The following ZSCAN5A variants were observed in gnomAD, a reference collection of about 807,000 sequenced individuals.
ZSCAN5A encodes zinc finger and SCAN domain-containing protein 5A.
A neutral mutation model predicts 23.7 loss-of-function variants in ZSCAN5A; 12 were observed. That is an observed-to-expected ratio of 0.51 (90% confidence interval 0.32 to 0.82). The LOEUF (loss-of-function observed/expected upper bound fraction) is 0.82. Among genes scored for constraint, ZSCAN5A ranks in the 40% least tolerant of loss-of-function variants. ZSCAN5A has a pLI of 0.03. For synonymous variants in ZSCAN5A, 257 were observed against 239.9 expected (o/e 1.07, Z -0.66); for missense variants, 597 against 617.9 (o/e 0.97, Z 0.36).
chr19:56,253,361 A>G (rs1032012945), intron 2 of ZSCAN5A, among the ~76,000 whole-genome samples: 1 of 151,940 alleles, frequency 6.6e-6, no homozygotes, highest in African/African-American at 2.4e-5. Context: ...AAAAAGATGG[A>G]GAGAGAAATT....
intron 2 of ZSCAN5A, among the ~76,000 whole-genome samples, chr19:56,328,943 C>T (rs553332858): frequency 6.9e-6 from 1 of 144,446 alleles, no homozygotes; most frequent in Non-Finnish European, 1.5e-5. Context: ...TGCAGTGAGC[C>T]GAGATGGCGC....
chr19:56,254,911 G>A (rs1338942828), intron 2 of ZSCAN5A, among the ~76,000 whole-genome samples: 31 of 152,046 alleles, frequency 2.0e-4, no homozygotes, highest in Admixed American at 1.7e-3. Context: ...TTGAGTTAGC[G>A]TTCTTTATAT....
At position 56,249,538 on chromosome 19, in the gene ZSCAN5A, C is replaced by T. The variant is rs539491490; in HGVS notation, c.-127-24365G>A. Among the ~76,000 whole-genome samples the T allele has an allele frequency of 1.1e-3, 174 of 152,326 alleles. No individual in the cohort carries two copies. The Middle Eastern group carries it at 0.031, about 27-fold the overall frequency. On this transcript the variant is annotated intron_variant, in intron 2 of 5. Transcript: ENST00000683990. ...CTGCCTGGCTCAGCCTCCCAATGTG[C>T]TGGGATTACATGAGCACGAGCCGCC...
At chr19:56,314,855 T>C (rs1257590456), upstream of ZSCAN5A, 1 of 152,216 alleles carries the variant, frequency 6.6e-6, no homozygotes, top group African/African-American at 2.4e-5. Flanking sequence ...CTAGGAGGCC[T>C]CGGCGACCAC....
intron 2 of ZSCAN5A, among the ~76,000 whole-genome samples, chr19:56,273,345 A>G (rs375625783): frequency 6.6e-6 from 1 of 152,224 alleles, no homozygotes; most frequent in South Asian, 2.1e-4. Context: ...AAGACACCAA[A>G]GAGTATATTG....
intron 2 of ZSCAN5A, among the ~76,000 whole-genome samples, chr19:56,286,166 C>T (rs1220209397): frequency 2.0e-5 from 3 of 151,978 alleles, no homozygotes; most frequent in East Asian, 3.9e-4. Flanking sequence ...GGACTACAGG[C>T]GCCCACCACC....
rs899468003 is a variant in ZSCAN5A, at chr19:56,251,514, G to A, written c.-127-26341C>T. Among the ~76,000 whole-genome samples, 44 of 152,102 alleles carry A rather than the reference G, an allele frequency of 2.9e-4. 2 individuals carry two copies. The highest frequency in any genetic ancestry group is 1.1e-3 in the African/African-American group (44 of 41,390). ...AGCATTTAATATAAAGCAGGGGCTGGCACACGATGGCCTGCTACCTTCAAT... is the reference window on the plus strand; with the variant it reads ...AGCATTTAATATAAAGCAGGGGCTGACACACGATGGCCTGCTACCTTCAAT... On this transcript the variant is annotated intron_variant, in intron 2 of 5. Coordinates refer to ENST00000683990, the MANE Select transcript of ZSCAN5A (RefSeq NM_001322064.3).
At chr19:56,353,534 C>T (rs1373652765) in intron 2 of ZSCAN5A, among the ~76,000 whole-genome samples, 3 of 152,068 alleles carry the variant, frequency 2.0e-5, no homozygotes, top group South Asian at 2.1e-4. Flanking sequence ...TTTTGGGAGG[C>T]CGAGGCGGGC....
chr19:56,316,438 T>C (rs977414535), upstream of ZSCAN5A: 1 of 152,428 alleles, frequency 6.6e-6, no homozygotes, highest in African/African-American at 2.4e-5. Flanking sequence ...ATTTTTGCCA[T>C]TGTAGTGAGA....
chr19:56,346,623 A>G (rs941841469), intron 2 of ZSCAN5A, among the ~76,000 whole-genome samples: 17 of 152,176 alleles, frequency 1.1e-4, no homozygotes, highest in African/African-American at 3.9e-4. Context: ...ATGGTACCCC[A>G]TTAGCTCAGG....
At chr19:56,250,719 G>A (rs117154338) in intron 2 of ZSCAN5A, among the ~76,000 whole-genome samples, 2 of 152,022 alleles carry the variant, frequency 1.3e-5, no homozygotes, top group Non-Finnish European at 2.9e-5. Flanking sequence ...TCCCACATCC[G>A]CTCCTACCCA....
At chr19:56,277,386 CGT>C (rs2038344575) in intron 2 of ZSCAN5A, among the ~76,000 whole-genome samples, 1 of 152,132 alleles carries the variant, frequency 6.6e-6, no homozygotes, top group African/African-American at 2.4e-5. Flanking sequence ...CATTCAACAT[CGT>C]GTGTGAGCCT....
chr19:56,326,089 C>G (rs555982142), intron 2 of ZSCAN5A, among the ~76,000 whole-genome samples: 4 of 151,912 alleles, frequency 2.6e-5, no homozygotes, highest in Non-Finnish European at 4.4e-5. Context: ...CCCGCCACCA[C>G]GCCCAGCTAA....
intron 2 of ZSCAN5A, among the ~76,000 whole-genome samples, chr19:56,323,916 T>C (rs2041408252): frequency 6.6e-6 from 1 of 152,142 alleles, no homozygotes; most frequent in African/African-American, 2.4e-5. Context: ...GCATACAATG[T>C]CTAATGATAA....
rs73621093 is a variant in ZSCAN5A, at chr19:56,271,673, C to T, written c.-128+41610G>A. 9.2e-3 allele frequency among the ~76,000 whole-genome samples: 1,405 copies of T among 152,228 alleles called. 26 individuals carry two copies. The highest frequency in any genetic ancestry group is 0.031 in the African/African-American group (1,304 of 41,510). On this transcript the variant is annotated intron_variant, in intron 2 of 5. Transcript: ENST00000683990. Reference sequence around the variant, plus strand: ...GAAACATAGATAGCACCAGAGATGGCGGCAGGAGAGAGTCCCCTGCAAGAG... The same window carrying T: ...GAAACATAGATAGCACCAGAGATGGTGGCAGGAGAGAGTCCCCTGCAAGAG...
intron 2 of ZSCAN5A, chr19:56,263,824 CAAT>C (rs1210614986): frequency 1.3e-5 from 2 of 151,948 alleles, no homozygotes; most frequent in East Asian, 3.8e-4. Flanking sequence ...CATGTAATAA[CAAT>C]AATTATAATA....
At chr19:56,288,700 C>T (rs1487471510) in intron 2 of ZSCAN5A, among the ~76,000 whole-genome samples, 5 of 152,144 alleles carry the variant, frequency 3.3e-5, no homozygotes, top group Non-Finnish European at 5.9e-5. Context: ...TGTCTTCACC[C>T]GTAAAATGAG....
intron 2 of ZSCAN5A, among the ~76,000 whole-genome samples, chr19:56,242,452 T>C (rs2035503944): frequency 6.6e-6 from 1 of 152,198 alleles, no homozygotes; most frequent in Non-Finnish European, 1.5e-5. Flanking sequence ...GTGTGGTGTG[T>C]AAATATTGTC....
chr19:56,284,231 G>GC, intron 2 of ZSCAN5A: 1 of 968,632 alleles, frequency 1.0e-6, no homozygotes. Flanking sequence ...ACTTCACAAT[G>GC]CCCCCAGACT....
Sources: allele counts gnomAD v4.1 joint callset (sites outside exome capture counted in the v4.1 genomes callset), GRCh38; gene constraint gnomAD v4.1.1; transcripts MANE v1.5; gene names NCBI Gene and HGNC (gene_info 2026-07-23, HGNC 2026-07-21).